The following KCNT2 variants were observed in gnomAD, a reference collection of about 807,000 sequenced individuals.
The protein encoded by KCNT2 is potassium channel subfamily T member 2.
A neutral mutation model predicts 153.8 loss-of-function variants in KCNT2; 67 were observed. The ratio of observed to expected loss-of-function variants is 0.44; its 90% CI spans 0.36 to 0.53. The LOEUF is 0.53. Ranked by LOEUF, KCNT2 falls within the 20% of genes least tolerant of loss-of-function variation. The pLI is 0.00. For missense variants in KCNT2, 975 were observed against 1,354.8 expected, an observed-to-expected ratio of 0.72 and a Z score of 4.40; for synonymous variants, 500 against 458.8, an observed-to-expected ratio of 1.09 and a Z score of -1.15.
At chr1:196,450,858 G>A (rs1444523746) in intron 8 of KCNT2, among the ~76,000 whole-genome samples, 1 of 151,812 alleles carries the variant, frequency 6.6e-6, no homozygotes, top group East Asian at 1.9e-4. Flanking sequence ...CCAGAGCTCT[G>A]CACTGACTCC....
In KCNT2 at chr1:196,456,377, A is replaced by T. The variant is rs374788542; in HGVS notation, c.638+8916T>A. 9.9e-5 allele frequency among the ~76,000 whole-genome samples: 15 copies of T among 152,024 alleles called. No individual in the cohort carries two copies. The East Asian group carries it at 1.6e-3, about 16-fold the overall frequency. On this transcript the variant is annotated intron_variant, in intron 8 of 27. Coordinates refer to ENST00000294725, the MANE Select transcript of KCNT2 (RefSeq NM_198503.5). ...TGCATTTGTAATGATTGCTTCCAGA[A>T]TTTAACGTTATGTATAGTATAAAAA...
At chr1:196,407,834 C>T (rs575704189) in intron 12 of KCNT2, among the ~76,000 whole-genome samples, 3 of 143,088 alleles carry the variant, frequency 2.1e-5, no homozygotes, top group Non-Finnish European at 3.1e-5. Context: ...CAGCATGAGC[C>T]GGGAATAAAA....
intron 22 of KCNT2, among the ~76,000 whole-genome samples, chr1:196,298,978 C>G (rs542916610): frequency 2.6e-5 from 4 of 151,824 alleles, no homozygotes; most frequent in African/African-American, 9.7e-5. Context: ...GTAATTATCA[C>G]ATGATTGTAT....
At chr1:196,485,995 G>A (rs534142539) in intron 3 of KCNT2, among the ~76,000 whole-genome samples, 149 of 152,002 alleles carry the variant, frequency 9.8e-4, no homozygotes, top group African/African-American at 3.3e-3. Flanking sequence ...CAGCAGGAGA[G>A]TAACTGGAAT....
intron 4 of KCNT2, among the ~76,000 whole-genome samples, chr1:196,480,114 G>A (rs1000006988): frequency 2.0e-5 from 3 of 151,548 alleles, no homozygotes; most frequent in African/African-American, 7.3e-5. Flanking sequence ...GCCACAAAAA[G>A]TAACTAGAAA....
At chr1:196,529,717 A>T (rs1017112280) in intron 1 of KCNT2, among the ~76,000 whole-genome samples, 2 of 152,152 alleles carry the variant, frequency 1.3e-5, no homozygotes, top group African/African-American at 4.8e-5. Flanking sequence ...CAGGAAGACC[A>T]GTGTACTGGT....
chr1:196,515,180 T>C (rs1681948786), intron 1 of KCNT2, among the ~76,000 whole-genome samples: 1 of 152,180 alleles, frequency 6.6e-6, no homozygotes, highest in African/African-American at 2.4e-5. Context: ...GTGATAAGGA[T>C]AACTTCACCA....
At chr1:196,489,233 C>T (rs1679671988) in intron 3 of KCNT2, among the ~76,000 whole-genome samples, 1 of 151,976 alleles carries the variant, frequency 6.6e-6, no homozygotes. Context: ...ACTTCTTTTA[C>T]TCATGTATCC....
At chr1:196,571,604 G>A (rs1171077070) in intron 1 of KCNT2, among the ~76,000 whole-genome samples, 1 of 152,086 alleles carries the variant, frequency 6.6e-6, no homozygotes, top group Non-Finnish European at 1.5e-5. Context: ...TGGAACACTT[G>A]TCTATAAACA....
At chr1:196,547,159 A>G (rs1242390927) in intron 1 of KCNT2, among the ~76,000 whole-genome samples, 1 of 152,020 alleles carries the variant, frequency 6.6e-6, no homozygotes, top group East Asian at 1.9e-4. Flanking sequence ...GAGAGAATAA[A>G]AATATGTAAT....
chr1:196,507,312 G>A (rs1681227762), intron 1 of KCNT2, among the ~76,000 whole-genome samples: 1 of 152,164 alleles, frequency 6.6e-6, no homozygotes, highest in South Asian at 2.1e-4. Flanking sequence ...CTTGAAAGTA[G>A]ATGAAGGCAA....
intron 14 of KCNT2, among the ~76,000 whole-genome samples, chr1:196,358,200 A>T (rs1667329115): frequency 6.6e-6 from 1 of 151,432 alleles, no homozygotes; most frequent in Admixed American, 6.6e-5. Flanking sequence ...TTTATCTAAA[A>T]TCCTAAATAT....
Position 196,540,820 on chromosome 1 carries a change from A to T in KCNT2, c.96-48479T>A, listed in dbSNP as rs1289742815. The stretch of plus-strand genomic sequence containing the variant: ...TGTGGCTCACGCCTGTAATCCCAGC[A>T]CTTTAGGAGGCCGAGAAGGGTGGAT... On this transcript the variant is annotated intron_variant, in intron 1 of 27. Coordinates refer to ENST00000294725, the MANE Select transcript of KCNT2 (RefSeq NM_198503.5). Among the ~76,000 whole-genome samples, 4 of 152,150 alleles carry T rather than the reference A, an allele frequency of 2.6e-5. No individual in the cohort carries two copies. The East Asian group carries it at 7.7e-4, about 29-fold the overall frequency.
At chr1:196,256,200 T>G (rs1656473940) in intron 26 of KCNT2, among the ~76,000 whole-genome samples, 4 of 151,938 alleles carry the variant, frequency 2.6e-5, no homozygotes, top group Admixed American at 2.6e-4. Flanking sequence ...AGCATCAGAT[T>G]TTCAAAATTT....
At chr1:196,593,156 T>C (rs537061393) in intron 1 of KCNT2, among the ~76,000 whole-genome samples, 1 of 151,132 alleles carries the variant, frequency 6.6e-6, no homozygotes, top group South Asian at 2.1e-4. Context: ...CTTCCACTTA[T>C]GAGTGAGAAC....
At chr1:196,385,969 A>G (rs1035467840) in intron 13 of KCNT2, among the ~76,000 whole-genome samples, 2 of 152,102 alleles carry the variant, frequency 1.3e-5, no homozygotes, top group Non-Finnish European at 2.9e-5. Flanking sequence ...GCAGAATAAC[A>G]AAGTGTGATA....
intron 3 of KCNT2, among the ~76,000 whole-genome samples, chr1:196,489,162 T>G (rs1027412422): frequency 2.6e-5 from 4 of 151,948 alleles, no homozygotes; most frequent in African/African-American, 9.7e-5. Context: ...TTCAAGCAGT[T>G]CAGCATAGCT....
At chr1:196,561,398 T>C (rs986151383) in intron 1 of KCNT2, among the ~76,000 whole-genome samples, 2 of 148,502 alleles carry the variant, frequency 1.3e-5, no homozygotes, top group African/African-American at 4.9e-5. Flanking sequence ...AGGGTGGGAG[T>C]GATAAAGAAG....
chr1:196,398,818 T>C (rs991477581), intron 12 of KCNT2, 147 bp from the exon 13 acceptor site: 12 of 491,202 alleles, frequency 2.4e-5, no homozygotes, highest in African/African-American at 2.2e-4. Flanking sequence ...AGGATACCTA[T>C]TATTTCCATA....
Sources: gnomAD v4.1 joint callset for allele counts (sites outside exome capture counted in the v4.1 genomes callset) on GRCh38, gnomAD v4.1.1 for gene constraint, MANE v1.5 for transcripts, NCBI Gene and HGNC (gene_info 2026-07-23, HGNC 2026-07-21) for gene names.